Variants in TENM4 observed in about 807,000 individuals in gnomAD.
TENM4 encodes the protein teneurin-4.
TENM4 carries 82 observed loss-of-function variants against 243.3 expected under a neutral mutation model. The observed-to-expected ratio is 0.34, with a 90% CI of 0.28 to 0.40. TENM4 has a LOEUF of 0.40. TENM4 is among the 10% of genes least tolerant of loss of function. The pLI is 1.00. For missense variants in TENM4, 3,138 were observed against 3,673.3 expected (o/e 0.85, Z 3.77); for synonymous variants, 1,412 against 1,456.3 (o/e 0.97, Z 0.69).
At chr11:78,811,052 G>A (rs1857489663) in intron 14 of TENM4, among the ~76,000 whole-genome samples, 1 of 152,216 alleles carries the variant, frequency 6.6e-6, no homozygotes, top group South Asian at 2.1e-4. Flanking sequence ...CATTTATGGA[G>A]CGTTTACTAT....
At chr11:79,182,455 C>T (rs1206362627) in intron 3 of TENM4, among the ~76,000 whole-genome samples, 2 of 152,014 alleles carry the variant, frequency 1.3e-5, no homozygotes, top group African/African-American at 4.8e-5. Context: ...ATGTAAAATG[C>T]AAAACTACAA....
At chr11:78,705,233 TGATGAAAAGATCGTTCCTTGATGGGAA>T in intron 27 of TENM4, among the ~76,000 whole-genome samples, 1 of 152,176 alleles carries the variant, frequency 6.6e-6, no homozygotes, top group South Asian at 2.1e-4. Context: ...CCTGTCGTTA[TGATGAAAAGATCGTTCCTTGATGGGAA>T]GACTAGGGGG....
At chr11:78,955,636 CAA>C (rs753819975) in intron 6 of TENM4, among the ~76,000 whole-genome samples, 3 of 152,168 alleles carry the variant, frequency 2.0e-5, no homozygotes, top group African/African-American at 4.8e-5. Context: ...AAAGGAACTG[CAA>C]AGAGTCTACA....
intron 1 of TENM4, among the ~76,000 whole-genome samples, chr11:79,404,835 G>A (rs114213321): frequency 2.8e-4 from 42 of 152,078 alleles, no homozygotes; most frequent in African/African-American, 9.4e-4. Context: ...TTGTAGAGCC[G>A]TAGAGAAATG....
chr11:79,371,422 G>GA (rs1021595860), intron 1 of TENM4, among the ~76,000 whole-genome samples: 6 of 151,286 alleles, frequency 4.0e-5, no homozygotes, highest in African/African-American at 7.3e-5. Flanking sequence ...CTGACATGTA[G>GA]AAAAAAAAAT....
At chr11:79,217,781 G>C (rs578012251) in intron 2 of TENM4, among the ~76,000 whole-genome samples, 9 of 151,822 alleles carry the variant, frequency 5.9e-5, no homozygotes, top group African/African-American at 1.9e-4. Context: ...GGAGTGCAGT[G>C]GCATGATCTC....
chr11:79,032,665 CATT>C (rs1859277227), intron 6 of TENM4, among the ~76,000 whole-genome samples: 2 of 152,192 alleles, frequency 1.3e-5, no homozygotes, highest in African/African-American at 4.8e-5. Context: ...GTCTGTGGCT[CATT>C]CACCTTCAAC....
In TENM4 at chr11:79,297,532, C is replaced by G. The variant is rs1856475812; in HGVS notation, c.-309G>C. 1 of 152,558 alleles carries G rather than the reference C, an allele frequency of 6.6e-6. No individual in the cohort carries two copies. Among genetic ancestry groups the G allele is most frequent in the Non-Finnish European group, 1.5e-5 (1 of 68,044 alleles). 9.5% of individuals were successfully genotyped at this position (152,558 alleles called of 1,614,324 possible). A position where few individuals can be genotyped will look rare whatever the true frequency, so the allele number is the denominator to read the frequency against. On this transcript the variant is annotated 5_prime_UTR_variant, in exon 2 of 34. Coordinates refer to ENST00000278550, the MANE Select transcript of TENM4 (RefSeq NM_001098816.3). ...GAGATCACTAGCCCTCTCTGATTCT[C>G]AGTTTTTCCATCTGCAAAACAAGAA... is the stretch of plus-strand genomic sequence containing the variant.
chr11:79,328,892 T>C (rs1857017572), intron 1 of TENM4, among the ~76,000 whole-genome samples: 1 of 152,170 alleles, frequency 6.6e-6, no homozygotes, highest in African/African-American at 2.4e-5. Context: ...TTACCCAGCA[T>C]TCCAGAGCTG....
At chr11:78,818,755 T>G (rs1857661766) in intron 12 of TENM4, among the ~76,000 whole-genome samples, 1 of 152,130 alleles carries the variant, frequency 6.6e-6, no homozygotes, top group Non-Finnish European at 1.5e-5. Context: ...TTTGGTGAAT[T>G]TCTTCCCCCA....
Position 79,148,721 on chromosome 11 carries a change from T to G in TENM4, c.-77A>C. The G allele has an allele frequency of 1.0e-6, 1 of 965,472 alleles. No homozygotes were observed. Among genetic ancestry groups the G allele is most frequent in the Middle Eastern group, 5.3e-4 (1 of 1,874 alleles). 59.8% of individuals were successfully genotyped at this position (965,472 alleles called of 1,614,324 possible). A position where few individuals can be genotyped will look rare whatever the true frequency, so the allele number is the denominator to read the frequency against. On this transcript the variant is annotated 5_prime_UTR_variant, in exon 4 of 34. Transcript: ENST00000278550. Reference sequence around the variant, plus strand: ...AAAAATCAACTCACTTTTCTTTAAATCTTCTTAAAAGGGTCTAAGAATAGT... The same window carrying G: ...AAAAATCAACTCACTTTTCTTTAAAGCTTCTTAAAAGGGTCTAAGAATAGT...
At chr11:79,017,022 G>A (rs1429670170) in intron 6 of TENM4, among the ~76,000 whole-genome samples, 1 of 152,222 alleles carries the variant, frequency 6.6e-6, no homozygotes, top group African/African-American at 2.4e-5. Flanking sequence ...GATGTTTATA[G>A]ATACATAGCA....
chr11:78,984,696 C>G (rs1857879541), intron 6 of TENM4, among the ~76,000 whole-genome samples: 2 of 152,190 alleles, frequency 1.3e-5, no homozygotes, highest in Admixed American at 1.3e-4. Flanking sequence ...TACGCTACCT[C>G]TACTACCGGT....
chr11:79,351,718 A>AAAAT (rs58269269), intron 1 of TENM4, among the ~76,000 whole-genome samples: 3,499 of 152,154 alleles, frequency 0.023, 116 homozygotes, highest in African/African-American at 0.078. Flanking sequence ...ATAAAAAATA[A>AAAAT]AAATAAATAA....
intron 3 of TENM4, among the ~76,000 whole-genome samples, chr11:79,215,408 C>T (rs1312705051): frequency 6.6e-6 from 1 of 152,198 alleles, no homozygotes; most frequent in Non-Finnish European, 1.5e-5. Context: ...CAACACATAG[C>T]CACCAGACTC....
intron 7 of TENM4, 143 bp downstream of exon 7, chr11:78,903,125 C>A (rs1855968600): frequency 1.7e-6 from 2 of 1,203,946 alleles, no homozygotes; most frequent in South Asian, 2.1e-5. Flanking sequence ...GTCAGGGAAC[C>A]GCATCCCTAA....
At chr11:78,766,513 C>T (rs80019823) in intron 18 of TENM4, among the ~76,000 whole-genome samples, 1 of 152,122 alleles carries the variant, frequency 6.6e-6, no homozygotes, top group South Asian at 2.1e-4. Context: ...TGAGTTAGGG[C>T]CCCTCTGCTT....
intron 1 of TENM4, among the ~76,000 whole-genome samples, chr11:79,405,661 T>A (rs1858550829): frequency 6.6e-6 from 1 of 151,926 alleles, no homozygotes; most frequent in African/African-American, 2.4e-5. Flanking sequence ...CATAAACGTT[T>A]CTCTACATCT....
intron 12 of TENM4, among the ~76,000 whole-genome samples, chr11:78,836,956 A>G (rs1036021434): frequency 6.6e-6 from 1 of 152,222 alleles, no homozygotes; most frequent in Non-Finnish European, 1.5e-5. Context: ...TTACACTGGC[A>G]GGAAGACTTT....
Sources: allele counts gnomAD v4.1 joint callset (sites outside exome capture counted in the v4.1 genomes callset), GRCh38; gene constraint gnomAD v4.1.1; transcripts MANE v1.5; gene names NCBI Gene and HGNC (gene_info 2026-07-23, HGNC 2026-07-21).